CYTH3: variants seen among roughly 807,000 people sequenced by gnomAD.
The protein encoded by CYTH3 is cytohesin-3.
Under a neutral mutation model 55.1 loss-of-function variants are expected in CYTH3, and 23 were observed. The ratio of observed to expected loss-of-function variants is 0.42; its 90% CI spans 0.30 to 0.59. The LOEUF (loss-of-function observed/expected upper bound fraction) is 0.59. Among genes scored for constraint, CYTH3 ranks in the 20% least tolerant of loss-of-function variants. The pLI is 0.20. For missense variants in CYTH3, 413 were observed against 524.8 expected (o/e 0.79, Z 2.08); for synonymous variants, 249 against 194.9 (o/e 1.28, Z -2.31).
chr7:6,219,921 A>G (rs1197795167), intron 1 of CYTH3, among the ~76,000 whole-genome samples: 2 of 152,216 alleles, frequency 1.3e-5, no homozygotes, highest in Non-Finnish European at 2.9e-5. Flanking sequence ...TTACATAACT[A>G]TATTATTCAA....
intron 2 of CYTH3, 53 bp from the exon 3 acceptor site, chr7:6,187,774 C>A (rs904749254): frequency 1.3e-5 from 17 of 1,303,452 alleles, no homozygotes; most frequent in Middle Eastern, 1.8e-4. Context: ...CCTTCCTCCC[C>A]TGAGACTCAG....
At position 6,190,344 on chromosome 7, in the gene CYTH3, G is replaced by C. The variant is rs1583765362; in HGVS notation, c.117+105C>G. ...TTTTTTTTTGTTATTTTTTGTTTTT[G>C]GGTTTTTTTTTTTTTTTACATTTTT... On this transcript the variant is annotated intron_variant, in intron 2 of 12. Coordinates refer to ENST00000350796, the MANE Select transcript of CYTH3 (RefSeq NM_004227.4). 6 of 852,820 alleles carry C rather than the reference G, an allele frequency of 7.0e-6. No homozygotes were observed. The East Asian group carries it at 1.9e-4, about 26-fold the overall frequency. The allele number at this position is 852,820 out of a possible 1,614,324, so 52.8% of individuals were successfully genotyped here. A position where few individuals can be genotyped will look rare whatever the true frequency, so the allele number is the denominator to read the frequency against.
intron 1 of CYTH3, among the ~76,000 whole-genome samples, chr7:6,198,453 CAT>C (rs1203263966): frequency 6.6e-5 from 10 of 152,232 alleles, no homozygotes; most frequent in African/African-American, 2.4e-4. Context: ...CAATTTCACA[CAT>C]GTGACCGCCA....
chr7:6,248,093 C>T (rs1412962184), intron 1 of CYTH3, among the ~76,000 whole-genome samples: 2 of 151,804 alleles, frequency 1.3e-5, no homozygotes. Flanking sequence ...CTGAAATTTA[C>T]TTCTCATTTC....
intron 4 of CYTH3, 82 bp downstream of exon 4, chr7:6,186,968 G>A (rs1054093948): frequency 2.0e-5 from 28 of 1,418,178 alleles, no homozygotes; most frequent in Non-Finnish European, 2.7e-5. Flanking sequence ...GACCACCTCT[G>A]ACCTCTGTCC....
intron 9 of CYTH3, among the ~76,000 whole-genome samples, chr7:6,166,732 G>A (rs1034356368): frequency 3.9e-5 from 6 of 152,170 alleles, no homozygotes; most frequent in Non-Finnish European, 7.4e-5. Flanking sequence ...GGAACTGGAG[G>A]CCGGAAGCGG....
intron 1 of CYTH3, among the ~76,000 whole-genome samples, chr7:6,206,902 G>C (rs1033184003): frequency 1.3e-5 from 2 of 151,964 alleles, no homozygotes; most frequent in Non-Finnish European, 2.9e-5. Flanking sequence ...CGGGGGAGAC[G>C]ATTTTTTTCG....
In CYTH3 at chr7:6,234,352, T is replaced by C. The variant is rs564724068; in HGVS notation, c.34+38122A>G. On this transcript the variant is annotated intron_variant, in intron 1 of 12. Transcript: ENST00000350796. ...TTCTGGGTTCTGACCAAGGACTGCC[T>C]TCCCAAGAATTGAAAACTCACTGGC... Among the ~76,000 whole-genome samples, 20 of 152,316 alleles carry C rather than the reference T, an allele frequency of 1.3e-4. No individual in the cohort carries two copies. In the East Asian group the frequency reaches 3.9e-3, roughly 29 times the overall value.
chr7:6,226,781 T>C (rs1340154861), intron 1 of CYTH3, among the ~76,000 whole-genome samples: 4 of 151,982 alleles, frequency 2.6e-5, no homozygotes, highest in African/African-American at 9.7e-5. Flanking sequence ...TCCTAGAGAC[T>C]GGTTTAAGAG....
At chr7:6,203,017 GAAAA>G (rs1007539542) in intron 1 of CYTH3, among the ~76,000 whole-genome samples, 1 of 152,062 alleles carries the variant, frequency 6.6e-6, no homozygotes, top group African/African-American at 2.4e-5. Flanking sequence ...ACCGCTATAA[GAAAA>G]AATAGGCAAA....
At chr7:6,231,362 G>C (rs1033735585) in intron 1 of CYTH3, among the ~76,000 whole-genome samples, 1 of 152,338 alleles carries the variant, frequency 6.6e-6, no homozygotes, top group Admixed American at 6.5e-5. Flanking sequence ...AGGAAACAGA[G>C]TGAGCACGAA....
chr7:6,225,206 A>G lies in CYTH3; in HGVS notation c.35-34675T>C, dbSNP rs183842265. Among the ~76,000 whole-genome samples the G allele has an allele frequency of 2.2e-3, 331 of 152,310 alleles. 1 individual carries two copies. Among genetic ancestry groups the G allele is most frequent in the African/African-American group, 7.5e-3 (312 of 41,572 alleles). On this transcript the variant is annotated intron_variant, in intron 1 of 12. Coordinates refer to ENST00000350796, the MANE Select transcript of CYTH3 (RefSeq NM_004227.4). ...TAAAGCCTGAAATTAAGACAGTACA[A>G]TATTATATATATCATATTGTCCAAA...
At chr7:6,206,370 C>A (rs1053180251) in intron 1 of CYTH3, among the ~76,000 whole-genome samples, 2 of 152,186 alleles carry the variant, frequency 1.3e-5, no homozygotes, top group African/African-American at 4.8e-5. Context: ...ATTGTGATTC[C>A]ATTTACAGAA....
At chr7:6,254,114 G>T (rs995632918) in intron 1 of CYTH3, among the ~76,000 whole-genome samples, 1 of 152,020 alleles carries the variant, frequency 6.6e-6, no homozygotes, top group African/African-American at 2.4e-5. Flanking sequence ...CCCGGGAGAC[G>T]GAGGTTGAAG....
Position 6,169,291 on chromosome 7 carries a change from G to T in CYTH3, c.823+1244C>A, listed in dbSNP as rs1044601134. Among the ~76,000 whole-genome samples, 1 of 152,166 alleles carries T rather than the reference G, an allele frequency of 6.6e-6. No homozygotes were observed. Among genetic ancestry groups the T allele is most frequent in the African/African-American group, 2.4e-5 (1 of 41,420 alleles). ...GTGGGAGAGCAGTGGCACAGTCATG[G>T]TTCATTGGAGCCTCAACCTCCTGGG... is the stretch of plus-strand genomic sequence containing the variant. On this transcript the variant is annotated intron_variant, in intron 9 of 12. Coordinates refer to ENST00000350796, the MANE Select transcript of CYTH3 (RefSeq NM_004227.4). This position sits in a 1 kb window ranked among gnomAD's most constrained non-coding sequence, Gnocchi z 4.1.
intron 1 of CYTH3, among the ~76,000 whole-genome samples, chr7:6,270,052 G>C (rs1356977882): frequency 6.6e-6 from 1 of 152,040 alleles, no homozygotes; most frequent in African/African-American, 2.4e-5. Flanking sequence ...AGCTGAAACG[G>C]TTTTCTTTAA....
At position 6,170,650 on chromosome 7, in the gene CYTH3, C is replaced by T; in HGVS notation, c.712-4G>A. 6.2e-7 allele frequency: 1 copy of T among 1,612,782 alleles called. No homozygotes were observed. The highest frequency in any genetic ancestry group is 1.1e-5 in the South Asian group (1 of 90,864). On this transcript the variant is annotated splice_polypyrimidine_tract_variant and splice_region_variant and intron_variant, in intron 8 of 12. Transcript: ENST00000350796. This position sits in a 1 kb window ranked among gnomAD's most constrained non-coding sequence, Gnocchi z 7.8. ...TCTTAATGCTCTCATACAAATTCTGCAAGGAGGGAAAACAGCAGCCAGTTC... is the reference window on the plus strand; with the variant it reads ...TCTTAATGCTCTCATACAAATTCTGTAAGGAGGGAAAACAGCAGCCAGTTC...
rs564305630 is a variant in CYTH3, at chr7:6,193,740, G to A, written c.35-3209C>T. Among the ~76,000 whole-genome samples the A allele has an allele frequency of 5.9e-5, 9 of 152,232 alleles. No homozygotes were observed. The South Asian group carries it at 1.7e-3, about 28-fold the overall frequency. On this transcript the variant is annotated intron_variant, in intron 1 of 12. Transcript: ENST00000350796. Reference sequence around the variant, plus strand: ...TGGATGCCTGCCTCTTCTCTCCCACGCCACGGAAGACTGCTTATTTATCTT... The same window carrying A: ...TGGATGCCTGCCTCTTCTCTCCCACACCACGGAAGACTGCTTATTTATCTT...
rs188988174 is a variant in CYTH3, at chr7:6,236,437, T to C, written c.34+36037A>G. ...GTTGCCCAGGCTGGTCTTGAACTCC[T>C]GGGCTCAAGGAATCCTCCCAACTTG... On this transcript the variant is annotated intron_variant, in intron 1 of 12. Transcript: ENST00000350796. 2.3e-3 allele frequency among the ~76,000 whole-genome samples: 351 copies of C among 151,338 alleles called. 1 individual carries two copies. Among genetic ancestry groups the C allele is most frequent in the African/African-American group, 7.8e-3 (320 of 41,204 alleles).
Sources: allele counts gnomAD v4.1 joint callset (sites outside exome capture counted in the v4.1 genomes callset), GRCh38; gene constraint gnomAD v4.1.1; non-coding constraint Gnocchi (gnomAD v3.1); transcripts MANE v1.5; gene names NCBI Gene and HGNC (gene_info 2026-07-23, HGNC 2026-07-21).